The following PCSK5 variants were observed in gnomAD, a reference collection of about 807,000 sequenced individuals.
PCSK5 encodes prohormone convertase 5.
In PCSK5, 129 loss-of-function variants were observed where a neutral mutation model predicts 233.2. The observed-to-expected ratio is 0.55, with a 90% confidence interval of 0.48 to 0.64. The LOEUF (loss-of-function observed/expected upper bound fraction) is 0.64, where lower values mean the gene tolerates loss of function less well. Ranked by LOEUF, PCSK5 falls within the 30% of genes least tolerant of loss-of-function variation. The pLI, the probability that PCSK5 is intolerant of heterozygous loss-of-function variation, is 0.00. For synonymous variants in PCSK5, 825 were observed against 879.2 expected, an observed-to-expected ratio of 0.94 and a Z score of 1.09; for missense variants, 2,076 against 2,430.1, an observed-to-expected ratio of 0.85 and a Z score of 3.06.
At chr9:75,973,755 G>C (rs1825898446) in intron 2 of PCSK5, among the ~76,000 whole-genome samples, 1 of 152,172 alleles carries the variant, frequency 6.6e-6, no homozygotes, top group Admixed American at 6.5e-5. Context: ...CCTTCCTCAA[G>C]TCACCGATGC....
intron 10 of PCSK5, among the ~76,000 whole-genome samples, chr9:76,145,725 T>G (rs1163974292): frequency 6.6e-6 from 1 of 152,144 alleles, no homozygotes; most frequent in African/African-American, 2.4e-5. Flanking sequence ...TAGTTGAGGA[T>G]CAATAAGAGG....
chr9:76,230,872 G>T (rs764178285), intron 21 of PCSK5, among the ~76,000 whole-genome samples: 1 of 151,946 alleles, frequency 6.6e-6, no homozygotes, highest in Non-Finnish European at 1.5e-5. Context: ...CACTGATTCT[G>T]CATTACGGTT....
chr9:76,252,643 A>G (rs1826848948), intron 24 of PCSK5, among the ~76,000 whole-genome samples: 1 of 152,176 alleles, frequency 6.6e-6, no homozygotes. Context: ...TCTACAAAGG[A>G]CCTTCGTGCT....
chr9:75,961,734 A>T lies in PCSK5; in HGVS notation c.298-24398A>T, dbSNP rs1052767460. Among the ~76,000 whole-genome samples the T allele has an allele frequency of 2.0e-5, 3 of 152,324 alleles. No individual in the cohort carries two copies. In the South Asian group the frequency reaches 6.2e-4, roughly 32 times the overall value. On this transcript the variant is annotated intron_variant, in intron 2 of 37. Coordinates refer to ENST00000674117, the MANE Select transcript of PCSK5 (RefSeq NM_001372043.1). ...GACACAGCTGATTTTAAAGGCAGAG[A>T]ACGTAAAATAGCTCATTAGTAATTT...
At chr9:76,188,082 T>G (rs1824190684) in intron 17 of PCSK5, among the ~76,000 whole-genome samples, 1 of 152,216 alleles carries the variant, frequency 6.6e-6, no homozygotes, top group Admixed American at 6.5e-5. Context: ...CCGGAGAATT[T>G]GAGCTGTGGG....
intron 10 of PCSK5, among the ~76,000 whole-genome samples, chr9:76,155,682 AAATT>A (rs1271624874): frequency 1.3e-5 from 2 of 152,342 alleles, no homozygotes; most frequent in South Asian, 2.1e-4. Flanking sequence ...ATGGATTGAC[AAATT>A]AATTAGTTAC....
At position 76,359,265 on chromosome 9, in the gene PCSK5, T is replaced by A. The variant is rs1830382464; in HGVS notation, c.*343T>A. 4.4e-6 allele frequency: 1 copy of A among 229,394 alleles called. No homozygotes were observed. Among genetic ancestry groups the A allele is most frequent in the Admixed American group, 5.0e-5 (1 of 20,010 alleles). 14.2% of individuals were successfully genotyped at this position (229,394 alleles called of 1,614,324 possible). A position where few individuals can be genotyped will look rare whatever the true frequency, so the allele number is the denominator to read the frequency against. On this transcript the variant is annotated 3_prime_UTR_variant, in exon 38 of 38. Coordinates refer to ENST00000674117, the MANE Select transcript of PCSK5 (RefSeq NM_001372043.1). ...GTGATTTTAAAAAAAGGACAGCAGA[T>A]CTATAGAAATTCTGTTTCCGAGCTG...
At chr9:75,974,029 G>C (rs1215095197) in intron 2 of PCSK5, among the ~76,000 whole-genome samples, 2 of 152,214 alleles carry the variant, frequency 1.3e-5, no homozygotes, top group African/African-American at 4.8e-5. Context: ...TGGGTCTTCA[G>C]ACTGAGAAAG....
At chr9:76,205,315 G>C in intron 20 of PCSK5, 1 of 512,962 alleles carries the variant, frequency 1.9e-6, no homozygotes, top group East Asian at 5.5e-5. Flanking sequence ...TTCCCACACA[G>C]AACACAGCGT....
At chr9:76,279,462 G>C (rs1827798452) in intron 24 of PCSK5, among the ~76,000 whole-genome samples, 1 of 151,728 alleles carries the variant, frequency 6.6e-6, no homozygotes, top group Non-Finnish European at 1.5e-5. Flanking sequence ...GGTATTTCTA[G>C]TTCTAGATCC....
chr9:76,270,192 T>C (rs1404819841), intron 24 of PCSK5, among the ~76,000 whole-genome samples: 1 of 152,144 alleles, frequency 6.6e-6, no homozygotes, highest in East Asian at 1.9e-4. Context: ...TGTTGGAGAA[T>C]AAGTTTTGTT....
intron 2 of PCSK5, among the ~76,000 whole-genome samples, chr9:75,985,662 C>T (rs890850467): frequency 6.6e-6 from 1 of 152,144 alleles, no homozygotes; most frequent in Non-Finnish European, 1.5e-5. Context: ...CATTCACACC[C>T]ATTCATTTAC....
intron 1 of PCSK5, among the ~76,000 whole-genome samples, chr9:75,930,587 G>T (rs1438459766): frequency 6.6e-6 from 1 of 152,158 alleles, no homozygotes. Context: ...ATCCACTAAA[G>T]GATTTTAGGC....
At chr9:76,286,246 ACAG>A (rs1292735570) in intron 24 of PCSK5, among the ~76,000 whole-genome samples, 3 of 152,230 alleles carry the variant, frequency 2.0e-5, no homozygotes, top group Non-Finnish European at 4.4e-5. Flanking sequence ...AATGAAGAAG[ACAG>A]GCATTAGATT....
Position 76,181,464 on chromosome 9 carries a change from C to A in PCSK5, c.2070C>A (p.Ala690=), listed in dbSNP as rs747074446. Residue 690 remains alanine (A), a synonymous_variant, in exon 16 of 38, where the codon GCC becomes GCA. Transcript: ENST00000674117. ...ACAAGAAGCGCTGCAGGAAGTGTGC[C>A]CCCAACTGTGAGTCCTGCTTTGGGA... ...HADKKRCRKC[A]PNCESCFGSH... 7 of 1,613,914 alleles carry A rather than the reference C, an allele frequency of 4.3e-6. No homozygotes were observed. The African/African-American group carries it at 8.0e-5, about 18-fold the overall frequency.
intron 21 of PCSK5, among the ~76,000 whole-genome samples, chr9:76,230,984 C>A (rs1323793311): frequency 6.6e-6 from 1 of 151,924 alleles, no homozygotes; most frequent in Non-Finnish European, 1.5e-5. Flanking sequence ...CATCCTCTGC[C>A]CCCCATTTGT....
intron 1 of PCSK5, among the ~76,000 whole-genome samples, chr9:75,931,945 T>G (rs1823824097): frequency 6.6e-6 from 1 of 152,250 alleles, no homozygotes; most frequent in Admixed American, 6.5e-5. Context: ...TCAAATTAAC[T>G]GTATAAATAA....
At chr9:76,111,668 G>A (rs111939070) in intron 9 of PCSK5, among the ~76,000 whole-genome samples, 77 of 152,154 alleles carry the variant, frequency 5.1e-4, no homozygotes, top group African/African-American at 1.7e-3. Context: ...TCATTTGGGC[G>A]ATTGCTGCTT....
At chr9:75,963,553 ATTTG>A (rs1213696398) in intron 2 of PCSK5, among the ~76,000 whole-genome samples, 1 of 152,130 alleles carries the variant, frequency 6.6e-6, no homozygotes, top group Non-Finnish European at 1.5e-5. Context: ...GTGTTAGAGC[ATTTG>A]TTTGAGTTCG....
Sources: allele counts gnomAD v4.1 joint callset (sites outside exome capture counted in the v4.1 genomes callset), GRCh38; gene constraint gnomAD v4.1.1; transcripts MANE v1.5; gene names NCBI Gene and HGNC (gene_info 2026-07-23, HGNC 2026-07-21).